ZFAT: variants seen among roughly 807,000 people sequenced by gnomAD.
ZFAT encodes the protein zinc finger and AT-hook domain containing, also known as zinc finger protein ZFAT.
A neutral mutation model predicts 117.7 loss-of-function variants in ZFAT; 64 were observed. The ratio of observed to expected loss-of-function variants is 0.54; its 90% CI spans 0.44 to 0.67. The LOEUF is 0.67. ZFAT is among the 30% of genes least tolerant of loss of function. The pLI is 0.00. For missense variants in ZFAT, 1,433 were observed against 1,584.5 expected, an observed-to-expected ratio of 0.90 and a Z score of 1.62; for synonymous variants, 679 against 615.0, an observed-to-expected ratio of 1.10 and a Z score of -1.54.
In ZFAT at chr8:134,478,130, G is replaced by A. The variant is rs1348009916; in HGVS notation, c.*352C>T. 1 of 287,128 alleles carries A rather than the reference G, an allele frequency of 3.5e-6. No homozygotes were observed. The highest frequency in any genetic ancestry group is 2.1e-5 in the African/African-American group (1 of 47,340). The allele number at this position is 287,128 out of a possible 1,614,324, so 17.8% of individuals were successfully genotyped here. On this transcript the variant is annotated 3_prime_UTR_variant, in exon 16 of 16. Coordinates refer to ENST00000377838, the MANE Select transcript of ZFAT (RefSeq NM_020863.4). This position sits in a 1 kb window ranked among gnomAD's most constrained non-coding sequence, Gnocchi z 5.2. Reference sequence around the variant, plus strand: ...AGATGGGGGTCAAGGAGCTGGGGCTGTGATTCAGGGAAGATGCTGAGGGGG... The same window carrying A: ...AGATGGGGGTCAAGGAGCTGGGGCTATGATTCAGGGAAGATGCTGAGGGGG...
chr8:134,701,741 A>G (rs1015933589), intron 1 of ZFAT, among the ~76,000 whole-genome samples: 9 of 152,132 alleles, frequency 5.9e-5, no homozygotes, highest in African/African-American at 1.4e-4. Flanking sequence ...TCACTTTTTC[A>G]TCCTTTTTCA....
At chr8:134,564,887 C>T in intron 11 of ZFAT, 1 of 1,075,720 alleles carries the variant, frequency 9.3e-7, no homozygotes, top group Non-Finnish European at 1.2e-6. Context: ...GCCCCTGCAA[C>T]ATGCTGGGCA....
intron 1 of ZFAT, among the ~76,000 whole-genome samples, chr8:134,696,836 G>A (rs982295881): frequency 2.6e-5 from 4 of 152,200 alleles, no homozygotes; most frequent in African/African-American, 7.2e-5. Flanking sequence ...AGCGCCCAGC[G>A]TCTAGAAAAA....
chr8:134,564,319 T>C lies in ZFAT; in HGVS notation c.2976+1014A>G, dbSNP rs572361013. 8.5e-5 allele frequency among the ~76,000 whole-genome samples: 13 copies of C among 152,174 alleles called. No homozygotes were observed. In the South Asian group the frequency reaches 2.5e-3, roughly 29 times the overall value. The stretch of plus-strand genomic sequence containing the variant: ...CATACAACTCCATACCCTGACCACC[T>C]TGCTGTGGACATATCCCAGTAGAAC... On this transcript the variant is annotated intron_variant, in intron 11 of 15. Transcript: ENST00000377838.
At chr8:134,688,070 C>T (rs1042707717) in intron 1 of ZFAT, among the ~76,000 whole-genome samples, 18 of 152,070 alleles carry the variant, frequency 1.2e-4, no homozygotes, top group African/African-American at 3.6e-4. Flanking sequence ...ATAACCACAG[C>T]TGCCCTGGTA....
intron 3 of ZFAT, among the ~76,000 whole-genome samples, chr8:134,617,755 A>G (rs570915249): frequency 5.1e-4 from 77 of 152,350 alleles, no homozygotes; most frequent in Admixed American, 2.3e-3. Context: ...CACCTTGCAC[A>G]TGCACAAAAG....
chr8:134,644,447 CAT>C (rs1366726187), intron 2 of ZFAT, among the ~76,000 whole-genome samples: 1 of 152,162 alleles, frequency 6.6e-6, no homozygotes, highest in African/African-American at 2.4e-5. Flanking sequence ...CTCACACACA[CAT>C]GCTCATACAC....
Position 134,478,659 on chromosome 8 carries a change from C to G in ZFAT, c.3555G>C (p.Ala1185=). ...TVMIQETVQQ[A]SVELAEQHHL... Reference sequence around the variant, plus strand: ...GGTGCTGCTCGGCAAGCTCCACGGACGCTTGCTGGACCGTCTCCTGGATCA... The same window carrying G: ...GGTGCTGCTCGGCAAGCTCCACGGAGGCTTGCTGGACCGTCTCCTGGATCA... The change falls in exon 16 of 16, where the codon GCG becomes GCC. Residue 1185 remains alanine, a synonymous_variant. Coordinates refer to ENST00000377838, the MANE Select transcript of ZFAT (RefSeq NM_020863.4). This position sits in a 1 kb window ranked among gnomAD's most constrained non-coding sequence, Gnocchi z 5.2. 3 of 1,583,026 alleles carry G rather than the reference C, an allele frequency of 1.9e-6. No individual in the cohort carries two copies. The highest frequency in any genetic ancestry group is 1.2e-5 in the South Asian group (1 of 86,072).
upstream of ZFAT, among the ~76,000 whole-genome samples, chr8:134,717,772 C>T (rs1443943751): frequency 6.6e-6 from 1 of 151,856 alleles, no homozygotes; most frequent in Non-Finnish European, 1.5e-5. Flanking sequence ...GATCTCAACC[C>T]ACCGCAACCT....
At chr8:134,577,896 G>A (rs1484350005) in intron 10 of ZFAT, among the ~76,000 whole-genome samples, 1 of 152,138 alleles carries the variant, frequency 6.6e-6, no homozygotes, top group African/African-American at 2.4e-5. Flanking sequence ...ATAAGCCAAG[G>A]AGAGCAGCAC....
At chr8:134,661,295 G>A (rs746832162) in intron 1 of ZFAT, among the ~76,000 whole-genome samples, 14 of 152,276 alleles carry the variant, frequency 9.2e-5, no homozygotes, top group Middle Eastern at 3.4e-3. Context: ...AGGGACCTGC[G>A]CCCACAGGGA....
chr8:134,814,057 G>A, the ZFAT span, among the ~76,000 whole-genome samples: 3 of 151,960 alleles, frequency 2.0e-5, no homozygotes, highest in Admixed American at 2.0e-4. Context: ...GATAATGTTT[G>A]GTTTTTACAG....
Position 134,602,441 on chromosome 8 carries a change from G to A in ZFAT, c.1278C>T (p.His426=), listed in dbSNP as rs201121080. The A allele has an allele frequency of 3.2e-5, 51 of 1,613,926 alleles. No individual in the cohort carries two copies. The highest frequency in any genetic ancestry group is 6.7e-5 in the African/African-American group (5 of 75,052). Residue 426 remains histidine (H), a synonymous_variant, in exon 6 of 16, where the codon CAC becomes CAT. Transcript: ENST00000377838. ...CACAGGCAAAAGGCCACTTGTCTCC[G>A]TGGACCAGCATATGGCGGTCACGGT... The part of the protein sequence containing the change: ...ELDRDRHMLV[H]GDKWPFACEL...
chr8:134,609,848 C>T (rs1828184464), intron 4 of ZFAT, among the ~76,000 whole-genome samples: 1 of 152,008 alleles, frequency 6.6e-6, no homozygotes, highest in Non-Finnish European at 1.5e-5. Flanking sequence ...ATTTGGTGAA[C>T]CCTTCTAAAA....
At chr8:134,702,368 T>C (rs1040782828) in intron 1 of ZFAT, among the ~76,000 whole-genome samples, 2 of 152,238 alleles carry the variant, frequency 1.3e-5, no homozygotes, top group South Asian at 2.1e-4. Context: ...TAAGTTGATA[T>C]GGTCTGGCTG....
At chr8:134,699,361 C>A (rs1833952555) in intron 1 of ZFAT, among the ~76,000 whole-genome samples, 1 of 152,204 alleles carries the variant, frequency 6.6e-6, no homozygotes, top group South Asian at 2.1e-4. Context: ...CCACAGCCTG[C>A]AGGTATAAAG....
chr8:134,512,678 G>T (rs1002485419), intron 13 of ZFAT, 77 bp from the exon 14 acceptor site: 2 of 1,536,736 alleles, frequency 1.3e-6, no homozygotes, highest in Non-Finnish European at 1.8e-6. Context: ...AACATACTAA[G>T]ATAGAACAAA....
chr8:134,503,304 G>A (rs1226313329), intron 15 of ZFAT, among the ~76,000 whole-genome samples: 1 of 152,214 alleles, frequency 6.6e-6, no homozygotes, highest in Admixed American at 6.5e-5. Flanking sequence ...AATCTCAGCT[G>A]TGATAGAAAT....
At chr8:134,772,111 A>G in the ZFAT span, among the ~76,000 whole-genome samples, 1 of 152,352 alleles carries the variant, frequency 6.6e-6, no homozygotes, top group East Asian at 1.9e-4. Context: ...ATCACTCCCT[A>G]TTATATGAGA....
Sources: allele counts gnomAD v4.1 joint callset (sites outside exome capture counted in the v4.1 genomes callset), GRCh38; gene constraint gnomAD v4.1.1; non-coding constraint Gnocchi (gnomAD v3.1); transcripts MANE v1.5; gene names NCBI Gene and HGNC (gene_info 2026-07-23, HGNC 2026-07-21).